Variants in CAST observed in about 807,000 individuals in gnomAD.
The protein encoded by CAST is calpastatin, also known as MIR583 host.
CAST carries 76 observed loss-of-function variants against 119.6 expected under a neutral mutation model. The ratio of observed to expected loss-of-function variants is 0.64; its 90% CI spans 0.53 to 0.77. The LOEUF is 0.77. Among genes scored for constraint, CAST ranks in the 30% least tolerant of loss-of-function variants. CAST has a pLI of 0.00. For synonymous variants in CAST, 319 were observed against 331.6 expected (o/e 0.96, Z 0.41); for missense variants, 953 against 946.5 (o/e 1.01, Z -0.09).
the CAST span, among the ~76,000 whole-genome samples, chr5:96,122,307 T>G: frequency 3.3e-5 from 5 of 152,154 alleles, no homozygotes; most frequent in South Asian, 1.0e-3. Context: ...GAATACTTCT[T>G]GTGTTGAACT....
the CAST span, among the ~76,000 whole-genome samples, chr5:96,347,193 G>A: frequency 6.6e-6 from 1 of 152,140 alleles, no homozygotes; most frequent in Non-Finnish European, 1.5e-5. Flanking sequence ...TACCAGTCAA[G>A]TCATCCTGTC....
chr5:96,150,482 A>G, the CAST span, among the ~76,000 whole-genome samples: 61 of 152,290 alleles, frequency 4.0e-4, 1 homozygote, highest in East Asian at 0.011. Context: ...CCAGGGAACC[A>G]CTCAGAGAGA....
At chr5:96,400,867 C>T in the CAST span, among the ~76,000 whole-genome samples, 1 of 146,566 alleles carries the variant, frequency 6.8e-6, no homozygotes, top group African/African-American at 2.6e-5. Context: ...GCGGGCGGAT[C>T]ACAAGGTCAG....
the CAST span, among the ~76,000 whole-genome samples, chr5:96,426,483 T>C: frequency 6.6e-6 from 1 of 152,174 alleles, no homozygotes; most frequent in Non-Finnish European, 1.5e-5. Context: ...GTATTTAATA[T>C]GAGACACAGA....
At chr5:96,339,221 T>C in the CAST span, among the ~76,000 whole-genome samples, 1 of 152,162 alleles carries the variant, frequency 6.6e-6, no homozygotes, top group African/African-American at 2.4e-5. Flanking sequence ...TTTGATAACA[T>C]GCTACCAAGA....
chr5:96,173,958 G>A, the CAST span, among the ~76,000 whole-genome samples: 1 of 151,968 alleles, frequency 6.6e-6, no homozygotes, highest in African/African-American at 2.4e-5. Context: ...TAGCCAGGAT[G>A]GTCTCGATCA....
chr5:96,431,477 C>T, the CAST span, among the ~76,000 whole-genome samples: 2 of 152,162 alleles, frequency 1.3e-5, no homozygotes, highest in African/African-American at 4.8e-5. Flanking sequence ...CAGTTGCAAT[C>T]ATTTATCTCT....
At chr5:96,737,310 A>C (rs1761864075) in intron 10 of CAST, among the ~76,000 whole-genome samples, 1 of 145,396 alleles carries the variant, frequency 6.9e-6, no homozygotes. Context: ...CAGGCAAGCA[A>C]GTGAACAACA....
chr5:96,303,317 A>G, the CAST span, among the ~76,000 whole-genome samples: 1 of 152,216 alleles, frequency 6.6e-6, no homozygotes, highest in African/African-American at 2.4e-5. Flanking sequence ...TTACAATTCC[A>G]CATGAAATTT....
chr5:96,294,339 A>T, the CAST span, among the ~76,000 whole-genome samples: 1 of 152,200 alleles, frequency 6.6e-6, no homozygotes, highest in Non-Finnish European at 1.5e-5. Context: ...TTAAATTTGC[A>T]GTATGCTTCT....
intron 1 of CAST, among the ~76,000 whole-genome samples, chr5:96,646,135 G>A (rs879427954): frequency 2.0e-5 from 3 of 152,082 alleles, no homozygotes; most frequent in Non-Finnish European, 4.4e-5. Context: ...ACACACCACC[G>A]TCAATATTGC....
chr5:96,141,226 T>C, the CAST span, among the ~76,000 whole-genome samples: 3 of 152,232 alleles, frequency 2.0e-5, no homozygotes, highest in South Asian at 6.2e-4. Context: ...ATTAAGTATA[T>C]TGACCTGTTT....
At chr5:96,013,964 A>T in the CAST span, among the ~76,000 whole-genome samples, 5 of 152,140 alleles carry the variant, frequency 3.3e-5, no homozygotes, top group African/African-American at 9.7e-5. Flanking sequence ...AAATTTATTT[A>T]AAAAATTATT....
chr5:96,675,691 C>T lies in CAST; in HGVS notation c.138+90C>T, dbSNP rs965562284. ...TATTAAATAACGATGTAGCAAAGAG[C>T]TTCTACCTTGCTTAATATTGGGAAA... is the stretch of plus-strand genomic sequence containing the variant. On this transcript the variant is annotated intron_variant, in intron 2 of 31. Transcript: ENST00000675179. 61 of 923,560 alleles carry T rather than the reference C, an allele frequency of 6.6e-5. No homozygotes were observed. In the Admixed American group the frequency reaches 8.5e-4, roughly 13 times the overall value. The allele number at this position is 923,560 out of a possible 1,614,324, so 57.2% of individuals were successfully genotyped here.
At chr5:96,007,169 T>G in the CAST span, among the ~76,000 whole-genome samples, 2 of 152,206 alleles carry the variant, frequency 1.3e-5, no homozygotes, top group Middle Eastern at 3.2e-3. Flanking sequence ...TTGGACTTCC[T>G]GCCTATGGGA....
At chr5:96,232,832 T>A in the CAST span, among the ~76,000 whole-genome samples, 1 of 151,986 alleles carries the variant, frequency 6.6e-6, no homozygotes, top group Non-Finnish European at 1.5e-5. Context: ...GAGAGATTCA[T>A]AAAAGTATTA....
chr5:96,281,614 C>T, the CAST span, among the ~76,000 whole-genome samples: 1 of 152,128 alleles, frequency 6.6e-6, no homozygotes, highest in South Asian at 2.1e-4. Flanking sequence ...TCTGCCTTGC[C>T]ATCCCTGGTT....
At chr5:96,192,543 A>G in the CAST span, among the ~76,000 whole-genome samples, 1 of 152,250 alleles carries the variant, frequency 6.6e-6, no homozygotes, top group East Asian at 1.9e-4. Flanking sequence ...GAATGGAGAA[A>G]GGTACATATG....
chr5:96,110,401 A>C, the CAST span, among the ~76,000 whole-genome samples: 26 of 152,216 alleles, frequency 1.7e-4, no homozygotes, highest in African/African-American at 6.0e-4. Flanking sequence ...TGAATATACA[A>C]ATCATGGTTA....
Sources: gnomAD v4.1 joint callset for allele counts (sites outside exome capture counted in the v4.1 genomes callset) on GRCh38, gnomAD v4.1.1 for gene constraint, MANE v1.5 for transcripts, NCBI Gene and HGNC (gene_info 2026-07-23, HGNC 2026-07-21) for gene names.